Variants in ASB7 observed in about 807,000 individuals in gnomAD.
ASB7 encodes ankyrin repeat and SOCS box containing 7.
Under a neutral mutation model 32.5 loss-of-function variants are expected in ASB7, and 4 were observed. The ratio of observed to expected loss-of-function variants is 0.12; its 90% confidence interval spans 0.06 to 0.28. ASB7 has a LOEUF of 0.28. ASB7 is among the 10% of genes least tolerant of loss of function. ASB7 has a pLI of 1.00. For missense variants in ASB7, 181 were observed against 407.1 expected, an observed-to-expected ratio of 0.44 and a Z score of 4.78; for synonymous variants, 172 against 155.6, an observed-to-expected ratio of 1.11 and a Z score of -0.78.
rs141966147 is a variant in ASB7, at chr15:100,630,802, G to A, written c.817+760G>A. On this transcript the variant is annotated intron_variant, in intron 5 of 5. Coordinates refer to ENST00000332783, the MANE Select transcript of ASB7 (RefSeq NM_198243.3). The stretch of plus-strand genomic sequence containing the variant: ...ATCCTCTCTTGTCAAGCTTCCACGT[G>A]ACCAGTTGAATGTGTGTCTCATGCT... Among the ~76,000 whole-genome samples, 132 of 152,328 alleles carry A rather than the reference G, an allele frequency of 8.7e-4. 2 individuals are homozygous for A. The East Asian group carries it at 0.017, about 20-fold the overall frequency.
intron 2 of ASB7, 91 bp downstream of exon 2, chr15:100,603,404 T>TG: frequency 6.2e-6 from 1 of 161,972 alleles, no homozygotes; most frequent in Non-Finnish European, 1.3e-5. Context: ...TGCCTGGGAA[T>TG]GCAACCTTTC....
chr15:100,641,954 G>A (rs1232286354), intron 5 of ASB7, among the ~76,000 whole-genome samples: 3 of 152,172 alleles, frequency 2.0e-5, no homozygotes, highest in Non-Finnish European at 4.4e-5. Context: ...AAGTGGTGGT[G>A]GGGCCAGGAG....
In ASB7 at chr15:100,629,615, C is replaced by T. The variant is rs2039868443; in HGVS notation, c.390C>T (p.Asp130=). ...PLHVAAHYGR[D]SFVRLLLEFK... ...ATGTGGCTGCCCACTACGGCAGGGA[C>T]TCATTTGTCCGGCTCCTCCTGGAGT... is the stretch of plus-strand genomic sequence containing the variant. Residue 130 remains aspartate (D), a synonymous_variant, in exon 5 of 6, where the codon GAC becomes GAT. Coordinates refer to ENST00000332783, the MANE Select transcript of ASB7 (RefSeq NM_198243.3). This position sits in a 1 kb window ranked among gnomAD's most constrained non-coding sequence, Gnocchi z 6.8. 1.9e-6 allele frequency: 3 copies of T among 1,614,062 alleles called. No homozygotes were observed. The highest frequency in any genetic ancestry group is 2.5e-6 in the Non-Finnish European group (3 of 1,180,048).
chr15:100,635,833 A>C (rs1438371556), intron 5 of ASB7, among the ~76,000 whole-genome samples: 1 of 152,134 alleles, frequency 6.6e-6, no homozygotes, highest in East Asian at 1.9e-4. Flanking sequence ...TGGACTCAGG[A>C]ATGGGCTTTC....
intron 4 of ASB7, among the ~76,000 whole-genome samples, chr15:100,613,385 T>A (rs1212429933): frequency 6.6e-6 from 1 of 152,246 alleles, no homozygotes; most frequent in Non-Finnish European, 1.5e-5. Context: ...GCTAACAGGA[T>A]GGACTGATTG....
intron 4 of ASB7, among the ~76,000 whole-genome samples, chr15:100,620,711 AT>A (rs1435961982): frequency 5.3e-5 from 8 of 152,228 alleles, no homozygotes; most frequent in Non-Finnish European, 1.5e-5. Context: ...AAGGGTGGAA[AT>A]TGTAACAAAC....
intron 4 of ASB7, among the ~76,000 whole-genome samples, chr15:100,617,889 T>G (rs946994826): frequency 2.0e-5 from 3 of 152,176 alleles, no homozygotes; most frequent in Non-Finnish European, 4.4e-5. Flanking sequence ...GACCAATCTT[T>G]TCTTTTATCA....
chr15:100,635,004 C>T (rs1224078255), intron 5 of ASB7, among the ~76,000 whole-genome samples: 1 of 152,146 alleles, frequency 6.6e-6, no homozygotes, highest in Non-Finnish European at 1.5e-5. Flanking sequence ...CCATACTGTG[C>T]TTTCTACCTG....
chr15:100,650,589 A>T lies in ASB7; in HGVS notation c.*2127A>T, dbSNP rs554957027. 4 of 152,316 alleles carry T rather than the reference A, an allele frequency of 2.6e-5. No homozygotes were observed. Among genetic ancestry groups the T allele is most frequent in the Non-Finnish European group, 4.4e-5 (3 of 68,030 alleles). 9.4% of individuals were successfully genotyped at this position (152,316 alleles called of 1,614,324 possible). On this transcript the variant is annotated 3_prime_UTR_variant, in exon 6 of 6. Transcript: ENST00000332783. ...AGATTTTCTCTCCCCAGCCATTCAG[A>T]GGTTTCCAAACTAAGCCACTGAGTT...
At chr15:100,608,406 C>T (rs1484148309) in intron 2 of ASB7, among the ~76,000 whole-genome samples, 2 of 152,172 alleles carry the variant, frequency 1.3e-5, no homozygotes, top group Non-Finnish European at 1.5e-5. Context: ...CTTTATTTAT[C>T]GAATCAGTTA....
At chr15:100,630,544 T>C (rs1304550411) in intron 5 of ASB7, among the ~76,000 whole-genome samples, 1 of 152,218 alleles carries the variant, frequency 6.6e-6, no homozygotes, top group Non-Finnish European at 1.5e-5. Flanking sequence ...AGTGGTGCTG[T>C]GTATTTAGGG....
chr15:100,629,369 G>C lies in ASB7; in HGVS notation c.212-68G>C, dbSNP rs1357825134. 4.3e-6 allele frequency: 6 copies of C among 1,390,326 alleles called. No homozygotes were observed. The highest frequency in any genetic ancestry group is 6.0e-6 in the Non-Finnish European group (6 of 1,008,142). The allele number at this position is 1,390,326 out of a possible 1,614,324, so 86.1% of individuals were successfully genotyped here. On this transcript the variant is annotated intron_variant, in intron 4 of 5. Coordinates refer to ENST00000332783, the MANE Select transcript of ASB7 (RefSeq NM_198243.3). The surrounding 1 kb of genome is among the most constrained non-coding windows in gnomAD (Gnocchi z 6.8). ...ATATGAGAATTGGCCACAGTTTGCTGTGCCATGGTAATGTTTGTTGTTTTG... is the reference window on the plus strand; with the variant it reads ...ATATGAGAATTGGCCACAGTTTGCTCTGCCATGGTAATGTTTGTTGTTTTG...
chr15:100,618,666 G>A (rs1403094285), intron 4 of ASB7, among the ~76,000 whole-genome samples: 1 of 151,948 alleles, frequency 6.6e-6, no homozygotes, highest in African/African-American at 2.4e-5. Flanking sequence ...GAGGAAGAAA[G>A]AACAAGAATT....
rs1205047838 is a variant in ASB7, at chr15:100,649,105, T to C, written c.*643T>C. 1 of 152,652 alleles carries C rather than the reference T, an allele frequency of 6.6e-6. No individual in the cohort carries two copies. The highest frequency in any genetic ancestry group is 2.4e-5 in the African/African-American group (1 of 41,452). The allele number at this position is 152,652 out of a possible 1,614,324, so 9.5% of individuals were successfully genotyped here. ...TTTAACTTATTTTTTTTTTAACAAC[T>C]GTAGTACACTACCCTGAGACACTGC... is the stretch of plus-strand genomic sequence containing the variant. On this transcript the variant is annotated 3_prime_UTR_variant, in exon 6 of 6. Coordinates refer to ENST00000332783, the MANE Select transcript of ASB7 (RefSeq NM_198243.3).
chr15:100,636,424 A>G (rs1353021647), intron 5 of ASB7, among the ~76,000 whole-genome samples: 1 of 152,200 alleles, frequency 6.6e-6, no homozygotes, highest in Non-Finnish European at 1.5e-5. Flanking sequence ...CTTTGAGCTG[A>G]TTAATGTTTT....
chr15:100,632,418 G>A (rs902179908), intron 5 of ASB7, among the ~76,000 whole-genome samples: 4 of 152,208 alleles, frequency 2.6e-5, no homozygotes, highest in Non-Finnish European at 5.9e-5. Flanking sequence ...CAAATTTGGT[G>A]TTTCTGCTTC....
At chr15:100,612,694 T>C (rs376015988) in intron 4 of ASB7, among the ~76,000 whole-genome samples, 1 of 152,230 alleles carries the variant, frequency 6.6e-6, no homozygotes, top group Admixed American at 6.5e-5. Context: ...CTAAGCTACC[T>C]TTCTTCAGGT....
chr15:100,636,207 CCAAATTG>C (rs2039922074), intron 5 of ASB7, among the ~76,000 whole-genome samples: 1 of 152,178 alleles, frequency 6.6e-6, no homozygotes, highest in Non-Finnish European at 1.5e-5. Flanking sequence ...TGTTTCCTCT[CCAAATTG>C]TGTGGTGGAG....
At position 100,632,198 on chromosome 15, in the gene ASB7, C is replaced by T. The variant is rs117790620; in HGVS notation, c.817+2156C>T. Among the ~76,000 whole-genome samples the T allele has an allele frequency of 9.2e-3, 1,397 of 152,268 alleles. 12 individuals are homozygous for T. Among genetic ancestry groups the T allele is most frequent in the Middle Eastern group, 0.024 (7 of 294 alleles). ...GTCTGTGCTTAGGTTCTCCACTGTACGAGGAGCAGAGCTGTGCGCCTAGGA... is the reference window on the plus strand; with the variant it reads ...GTCTGTGCTTAGGTTCTCCACTGTATGAGGAGCAGAGCTGTGCGCCTAGGA... On this transcript the variant is annotated intron_variant, in intron 5 of 5. Transcript: ENST00000332783.
Sources: allele counts gnomAD v4.1 joint callset (sites outside exome capture counted in the v4.1 genomes callset), GRCh38; gene constraint gnomAD v4.1.1; non-coding constraint Gnocchi (gnomAD v3.1); transcripts MANE v1.5; gene names NCBI Gene and HGNC (gene_info 2026-07-23, HGNC 2026-07-21).